The following PCSK5 variants were observed in gnomAD, a reference collection of about 807,000 sequenced individuals.
PCSK5 encodes prohormone convertase 5.
A neutral mutation model predicts 233.2 loss-of-function variants in PCSK5; 129 were observed. The ratio of observed to expected loss-of-function variants is 0.55; its 90% CI spans 0.48 to 0.64. The LOEUF is 0.64. PCSK5 is among the 30% of genes least tolerant of loss of function. The pLI, the probability that PCSK5 is intolerant of heterozygous loss-of-function variation, is 0.00. For synonymous variants in PCSK5, 825 were observed against 879.2 expected, an observed-to-expected ratio of 0.94 and a Z score of 1.09; for missense variants, 2,076 against 2,430.1, an observed-to-expected ratio of 0.85 and a Z score of 3.06.
chr9:75,914,699 T>C (rs1490637432), intron 1 of PCSK5, among the ~76,000 whole-genome samples: 1 of 152,178 alleles, frequency 6.6e-6, no homozygotes, highest in East Asian at 1.9e-4. Context: ...CTTTTCTATT[T>C]CTCAGGATCC....
At position 75,956,557 on chromosome 9, in the gene PCSK5, G is replaced by A. The variant is rs528820525; in HGVS notation, c.297+24074G>A. Among the ~76,000 whole-genome samples the A allele has an allele frequency of 2.6e-5, 4 of 152,202 alleles. No homozygotes were observed. The South Asian group carries it at 8.3e-4, about 32-fold the overall frequency. ...ATTCATATCACTCAAAGTTTTCTTTGAAATAATCCTAGATTTGAAGACAGA... is the reference window on the plus strand; with the variant it reads ...ATTCATATCACTCAAAGTTTTCTTTAAAATAATCCTAGATTTGAAGACAGA... On this transcript the variant is annotated intron_variant, in intron 2 of 37. Coordinates refer to ENST00000674117, the MANE Select transcript of PCSK5 (RefSeq NM_001372043.1).
chr9:76,255,103 A>G (rs1158366846), intron 24 of PCSK5, among the ~76,000 whole-genome samples: 1 of 152,104 alleles, frequency 6.6e-6, no homozygotes, highest in Non-Finnish European at 1.5e-5. Context: ...CCTGGGCAAC[A>G]TGGTGAAACC....
intron 20 of PCSK5, among the ~76,000 whole-genome samples, chr9:76,226,587 G>T (rs1825900241): frequency 1.3e-5 from 2 of 152,178 alleles, no homozygotes; most frequent in African/African-American, 4.8e-5. Context: ...GTTGGAGGGG[G>T]TTGAGGTCCA....
chr9:76,199,521 C>T (rs552704084), intron 20 of PCSK5, among the ~76,000 whole-genome samples: 1 of 152,080 alleles, frequency 6.6e-6, no homozygotes, highest in East Asian at 1.9e-4. Context: ...ATCTTCATAG[C>T]CCTGCAAAGG....
At chr9:76,132,661 C>T (rs907094577) in intron 9 of PCSK5, among the ~76,000 whole-genome samples, 7 of 152,088 alleles carry the variant, frequency 4.6e-5, no homozygotes, top group African/African-American at 1.4e-4. Context: ...AAATGCTTTG[C>T]TATCTACCAC....
chr9:76,119,318 T>C (rs922968917), intron 9 of PCSK5, among the ~76,000 whole-genome samples: 4 of 152,154 alleles, frequency 2.6e-5, no homozygotes, highest in African/African-American at 9.6e-5. Context: ...GTATTGTTTA[T>C]ATTGTTTTGA....
At chr9:76,258,244 T>C (rs138694150) in intron 24 of PCSK5, among the ~76,000 whole-genome samples, 9 of 152,214 alleles carry the variant, frequency 5.9e-5, no homozygotes, top group Non-Finnish European at 1.2e-4. Context: ...ATCATCATGG[T>C]AGAATTTTAT....
chr9:75,937,806 G>A (rs1301410483), intron 2 of PCSK5, among the ~76,000 whole-genome samples: 1 of 152,188 alleles, frequency 6.6e-6, no homozygotes, highest in African/African-American at 2.4e-5. Context: ...TTATGTTACA[G>A]AGACAGCTTC....
chr9:76,002,953 G>A (rs1361759776), intron 3 of PCSK5, among the ~76,000 whole-genome samples: 1 of 152,182 alleles, frequency 6.6e-6, no homozygotes, highest in African/African-American at 2.4e-5. Flanking sequence ...GCCTTGGTAT[G>A]CCGAGAAAAA....
At chr9:76,142,794 AC>A (rs905019308) in intron 10 of PCSK5, among the ~76,000 whole-genome samples, 6 of 152,314 alleles carry the variant, frequency 3.9e-5, no homozygotes, top group Admixed American at 1.3e-4. Flanking sequence ...TAAACTCACT[AC>A]ATGATAGTCA....
chr9:76,080,997 C>A (rs535370120), intron 7 of PCSK5, among the ~76,000 whole-genome samples: 18 of 151,826 alleles, frequency 1.2e-4, no homozygotes, highest in African/African-American at 4.3e-4. Flanking sequence ...AAAATAATGA[C>A]CTATGTAAGT....
chr9:75,996,100 A>G (rs1827010679), intron 3 of PCSK5, among the ~76,000 whole-genome samples: 1 of 152,228 alleles, frequency 6.6e-6, no homozygotes, highest in East Asian at 1.9e-4. Context: ...TGTATTCATT[A>G]AATCAATAAC....
At chr9:76,257,628 G>A (rs574682636) in intron 24 of PCSK5, among the ~76,000 whole-genome samples, 35 of 152,298 alleles carry the variant, frequency 2.3e-4, no homozygotes, top group African/African-American at 7.5e-4. Context: ...TGGGCCAGCC[G>A]GGGCCGTCAG....
intron 3 of PCSK5, among the ~76,000 whole-genome samples, chr9:75,992,186 C>T (rs979902341): frequency 6.6e-6 from 1 of 152,196 alleles, no homozygotes; most frequent in South Asian, 2.1e-4. Context: ...CCCTCGTGAT[C>T]TCTATTTTAG....
At chr9:76,015,420 G>C (rs532065611) in intron 3 of PCSK5, among the ~76,000 whole-genome samples, 11 of 152,248 alleles carry the variant, frequency 7.2e-5, no homozygotes, top group Non-Finnish European at 1.3e-4. Context: ...AAGTAACACA[G>C]AAAATTAACC....
intron 24 of PCSK5, among the ~76,000 whole-genome samples, chr9:76,260,716 T>G (rs1234715275): frequency 6.6e-6 from 1 of 152,186 alleles, no homozygotes; most frequent in East Asian, 1.9e-4. Context: ...CCACTCTGCT[T>G]TTAGCCCATT....
chr9:76,276,731 C>T (rs1827700108), intron 24 of PCSK5, among the ~76,000 whole-genome samples: 1 of 152,224 alleles, frequency 6.6e-6, no homozygotes, highest in African/African-American at 2.4e-5. Context: ...TCATCACTCT[C>T]TAACCCTTTA....
chr9:75,920,849 C>G (rs188909441), intron 1 of PCSK5, among the ~76,000 whole-genome samples: 6 of 152,020 alleles, frequency 3.9e-5, no homozygotes, highest in Non-Finnish European at 8.8e-5. Flanking sequence ...TAAAAAAATG[C>G]TATAGAGCTC....
chr9:75,919,198 T>C (rs1310208277), intron 1 of PCSK5, among the ~76,000 whole-genome samples: 1 of 152,244 alleles, frequency 6.6e-6, no homozygotes, highest in African/African-American at 2.4e-5. Context: ...CAGAAGGTCA[T>C]ATAAATGGAA....
Sources: allele counts gnomAD v4.1 joint callset (sites outside exome capture counted in the v4.1 genomes callset), GRCh38; gene constraint gnomAD v4.1.1; transcripts MANE v1.5; gene names NCBI Gene and HGNC (gene_info 2026-07-23, HGNC 2026-07-21).